Variants in EFR3A observed in about 807,000 individuals in gnomAD.
The protein encoded by EFR3A is protein EFR3 homolog A.
Under a neutral mutation model 104.4 loss-of-function variants are expected in EFR3A, and 76 were observed. The observed-to-expected ratio is 0.73, with a 90% confidence interval of 0.60 to 0.88. The LOEUF (loss-of-function observed/expected upper bound fraction) is 0.88. Ranked by LOEUF, EFR3A falls within the 40% of genes least tolerant of loss-of-function variation. The pLI, the probability that EFR3A is intolerant of heterozygous loss-of-function variation, is 0.00. For synonymous variants in EFR3A, 330 were observed against 330.0 expected (o/e 1.00, Z 0.00); for missense variants, 985 against 1,012.5 (o/e 0.97, Z 0.37).
chr8:131,955,584 A>G (rs768056246), intron 6 of EFR3A, among the ~76,000 whole-genome samples, 184 bp from the exon 7 acceptor site: 8 of 152,292 alleles, frequency 5.3e-5, no homozygotes, highest in South Asian at 2.1e-4. Flanking sequence ...TATTTCTTCA[A>G]TTTGAAAGAG....
At chr8:132,000,381 G>A (rs1209254153) in intron 19 of EFR3A, among the ~76,000 whole-genome samples, 1 of 152,096 alleles carries the variant, frequency 6.6e-6, no homozygotes, top group South Asian at 2.1e-4. Context: ...ACCCGCCTCC[G>A]CCTCCCAAAG....
chr8:131,968,346 C>T lies in EFR3A; in HGVS notation c.907C>T (p.Arg303Cys), dbSNP rs922734695. ...IQEILGHLDARKKDAPRVRAG... is the reference protein window; with the variant it reads ...IQEILGHLDACKKDAPRVRAG... Reference sequence around the variant, plus strand: ...GGAGATTCTAGGACACCTTGATGCTCGTAAAAAAGATGCTCCCCGGGTTCG... The same window carrying T: ...GGAGATTCTAGGACACCTTGATGCTTGTAAAAAAGATGCTCCCCGGGTTCG... The change falls in exon 9 of 23, where the codon CGT becomes TGT. Residue 303 changes from arginine (R) to cysteine (C), a missense_variant. Physicochemically the swap from Arg to Cys is radical, Grantham distance 180 (BLOSUM62 -3). Coordinates refer to ENST00000254624, the MANE Select transcript of EFR3A (RefSeq NM_015137.6). 1.4e-5 allele frequency: 22 copies of T among 1,613,168 alleles called. No individual in the cohort carries two copies. The highest frequency in any genetic ancestry group is 1.7e-5 in the Admixed American group (1 of 59,882).
At position 131,997,584 on chromosome 8, in the gene EFR3A, A is replaced by G. The variant is rs555252720; in HGVS notation, c.2157+1087A>G. ...CGCATTAAGTCTAAAGTTTCTTACCAGTTTAAGGCTTAATAACAACTTTTC... is the reference window on the plus strand; with the variant it reads ...CGCATTAAGTCTAAAGTTTCTTACCGGTTTAAGGCTTAATAACAACTTTTC... On this transcript the variant is annotated intron_variant, in intron 19 of 22. Transcript: ENST00000254624. Among the ~76,000 whole-genome samples the G allele has an allele frequency of 1.1e-4, 16 of 152,184 alleles. 1 individual carries two copies. Among genetic ancestry groups the G allele is most frequent in the African/African-American group, 3.8e-4 (16 of 41,570 alleles).
chr8:131,928,090 A>G (rs1170345669), intron 1 of EFR3A, among the ~76,000 whole-genome samples: 2 of 152,188 alleles, frequency 1.3e-5, no homozygotes, highest in Non-Finnish European at 2.9e-5. Flanking sequence ...TCTTGAAGAC[A>G]TACATGTTGC....
At chr8:131,976,275 T>C in intron 11 of EFR3A, 134 bp downstream of exon 11, 1 of 643,110 alleles carries the variant, frequency 1.6e-6, no homozygotes, top group Non-Finnish European at 2.7e-6. Flanking sequence ...CAGTTAGTAT[T>C]ATTATGACAG....
At chr8:131,970,804 A>G (rs763096112) in intron 10 of EFR3A, among the ~76,000 whole-genome samples, 161 bp downstream of exon 10, 5 of 152,252 alleles carry the variant, frequency 3.3e-5, no homozygotes, top group Non-Finnish European at 1.5e-5. Flanking sequence ...GAATGGAACA[A>G]AGAACACTAT....
intron 1 of EFR3A, among the ~76,000 whole-genome samples, chr8:131,933,921 A>G (rs1026925902): frequency 6.6e-6 from 1 of 152,102 alleles, no homozygotes; most frequent in Non-Finnish European, 1.5e-5. Context: ...CCATCTTTTA[A>G]AACAGAATTG....
At chr8:131,992,805 G>A (rs887703362) in intron 18 of EFR3A, among the ~76,000 whole-genome samples, 1 of 152,082 alleles carries the variant, frequency 6.6e-6, no homozygotes, top group African/African-American at 2.4e-5. Flanking sequence ...ATTAGGGAAG[G>A]TTGAAGTTAC....
chr8:131,962,323 T>G (rs1358019331), intron 8 of EFR3A, among the ~76,000 whole-genome samples: 1 of 152,178 alleles, frequency 6.6e-6, no homozygotes. Context: ...CCATCTCACG[T>G]GCAGAGACAC....
At chr8:131,969,052 G>A (rs1819912410) in intron 9 of EFR3A, among the ~76,000 whole-genome samples, 1 of 152,154 alleles carries the variant, frequency 6.6e-6, no homozygotes, top group Non-Finnish European at 1.5e-5. Flanking sequence ...TAACAAGTCA[G>A]TGTCATTGTT....
intron 1 of EFR3A, among the ~76,000 whole-genome samples, chr8:131,911,869 G>C (rs999575563): frequency 6.6e-6 from 1 of 152,190 alleles, no homozygotes; most frequent in African/African-American, 2.4e-5. Flanking sequence ...ACCCTGTCTG[G>C]CTTGGGGTCT....
intron 1 of EFR3A, among the ~76,000 whole-genome samples, chr8:131,933,068 C>A (rs1817693212): frequency 6.6e-6 from 1 of 152,036 alleles, no homozygotes; most frequent in Non-Finnish European, 1.5e-5. Flanking sequence ...TTTAAAAAAA[C>A]AGTTACAACA....
intron 8 of EFR3A, among the ~76,000 whole-genome samples, chr8:131,960,689 C>T (rs924007412): frequency 6.6e-6 from 1 of 152,106 alleles, no homozygotes; most frequent in African/African-American, 2.4e-5. Context: ...CTGGTCTTGA[C>T]CAGGATTTAT....
chr8:131,945,208 A>C (rs1818377908), intron 3 of EFR3A, among the ~76,000 whole-genome samples: 1 of 151,910 alleles, frequency 6.6e-6, no homozygotes, highest in African/African-American at 2.4e-5. Flanking sequence ...TCAGTCTCTA[A>C]ATTGAAAACA....
At chr8:131,904,886 G>A (rs867142243) in intron 1 of EFR3A, among the ~76,000 whole-genome samples, 1 of 152,158 alleles carries the variant, frequency 6.6e-6, no homozygotes, top group East Asian at 1.9e-4. Flanking sequence ...GATTCACCCG[G>A]GCAGATGATT....
chr8:131,916,919 A>G (rs780532001), intron 1 of EFR3A, among the ~76,000 whole-genome samples: 36 of 152,210 alleles, frequency 2.4e-4, no homozygotes, highest in Admixed American at 2.6e-4. Context: ...TCTGTCCTAT[A>G]CGTCTGGCCT....
intron 19 of EFR3A, among the ~76,000 whole-genome samples, chr8:131,999,199 A>G (rs1821661489): frequency 6.6e-6 from 1 of 152,152 alleles, no homozygotes; most frequent in Non-Finnish European, 1.5e-5. Flanking sequence ...AAATTAAGTC[A>G]CTGGTTGACT....
rs569583676 is a variant in EFR3A at position 131,962,322 on chromosome 8, G to A, written c.855+2659G>A. On this transcript the variant is annotated intron_variant, in intron 8 of 22. Coordinates refer to ENST00000254624, the MANE Select transcript of EFR3A (RefSeq NM_015137.6). ...GCTGTATTCAGGAAACCCATCTCAC[G>A]TGCAGAGACACACATAGGCTCAAAA... Among the ~76,000 whole-genome samples, 39 of 152,094 alleles carry A rather than the reference G, an allele frequency of 2.6e-4. No homozygotes were observed. In the East Asian group the frequency reaches 3.1e-3, roughly 12 times the overall value.
intron 1 of EFR3A, among the ~76,000 whole-genome samples, chr8:131,905,919 A>G (rs1049498446): frequency 2.0e-5 from 3 of 152,230 alleles, no homozygotes; most frequent in African/African-American, 7.2e-5. Flanking sequence ...TGGATATAGT[A>G]AACTCGTTTC....
Sources: allele counts gnomAD v4.1 joint callset (sites outside exome capture counted in the v4.1 genomes callset), GRCh38; gene constraint gnomAD v4.1.1; transcripts MANE v1.5; gene names NCBI Gene and HGNC (gene_info 2026-07-23, HGNC 2026-07-21).